DNAH5: variants seen among roughly 807,000 people sequenced by gnomAD.
DNAH5 encodes the protein dynein axonemal heavy chain 5, also known as axonemal beta dynein heavy chain 5.
DNAH5 carries 372 observed loss-of-function variants against 518.2 expected under a neutral mutation model. The ratio of observed to expected loss-of-function variants is 0.72; its 90% CI spans 0.66 to 0.78. DNAH5 has a LOEUF of 0.78. DNAH5 is among the 30% of genes least tolerant of loss of function. The pLI, the probability that DNAH5 is intolerant of heterozygous loss-of-function variation, is 0.00. For synonymous variants in DNAH5, 2,039 were observed against 2,025.9 expected (o/e 1.01, Z -0.17); for missense variants, 5,523 against 5,687.0 (o/e 0.97, Z 0.93).
intron 31 of DNAH5, among the ~76,000 whole-genome samples, chr5:13,845,608 T>C (rs1186538043): frequency 6.6e-6 from 1 of 152,172 alleles, no homozygotes; most frequent in Non-Finnish European, 1.5e-5. Context: ...TTCATTTCTA[T>C]ATTTGCTTTC....
chr5:13,854,406 T>G (rs1477830624), intron 30 of DNAH5, among the ~76,000 whole-genome samples: 1 of 152,114 alleles, frequency 6.6e-6, no homozygotes, highest in East Asian at 1.9e-4. Flanking sequence ...AACCAGCCAC[T>G]GCAAAAACAA....
At chr5:13,942,250 G>A (rs1284775059) in intron 1 of DNAH5, among the ~76,000 whole-genome samples, 1 of 150,438 alleles carries the variant, frequency 6.6e-6, no homozygotes, top group African/African-American at 2.5e-5. Context: ...TATGGATAAA[G>A]TCAATTATTA....
At chr5:13,893,252 G>GGA (rs1196168514) in intron 16 of DNAH5, among the ~76,000 whole-genome samples, 1 of 151,830 alleles carries the variant, frequency 6.6e-6, no homozygotes, top group African/African-American at 2.4e-5. Context: ...CGGAGTTGGG[G>GGA]GAGAGAGAGA....
chr5:13,740,289 AC>A (rs1052234790), intron 65 of DNAH5, among the ~76,000 whole-genome samples: 1 of 151,524 alleles, frequency 6.6e-6, no homozygotes, highest in Admixed American at 6.6e-5. Context: ...CCCCAGCCTT[AC>A]CCCCTGGTCT....
chr5:13,826,885 A>G (rs1762957326), intron 38 of DNAH5, among the ~76,000 whole-genome samples: 1 of 152,170 alleles, frequency 6.6e-6, no homozygotes, highest in South Asian at 2.1e-4. Context: ...CTTCCTAGAG[A>G]CTTAGAGGGC....
At chr5:13,772,568 C>T (rs1753488791) in intron 55 of DNAH5, among the ~76,000 whole-genome samples, 1 of 152,192 alleles carries the variant, frequency 6.6e-6, no homozygotes, top group Non-Finnish European at 1.5e-5. Context: ...GGCAGTAATG[C>T]CAGTTTTGGG....
At chr5:14,006,586 T>C (rs1330511847) in intron 1 of DNAH5, among the ~76,000 whole-genome samples, 2 of 152,188 alleles carry the variant, frequency 1.3e-5, no homozygotes, top group Non-Finnish European at 2.9e-5. Flanking sequence ...CCCACACATA[T>C]GACCTAATTT....
intron 30 of DNAH5, among the ~76,000 whole-genome samples, chr5:13,853,429 A>G (rs1450136464): frequency 6.6e-6 from 1 of 152,224 alleles, no homozygotes; most frequent in Non-Finnish European, 1.5e-5. Context: ...CAGCACAAAA[A>G]GACTGAAAAT....
chr5:13,935,485 G>A (rs777096275), intron 1 of DNAH5, among the ~76,000 whole-genome samples: 6 of 152,054 alleles, frequency 3.9e-5, no homozygotes, highest in Non-Finnish European at 7.4e-5. Flanking sequence ...TTAAAAGCAC[G>A]TTAAGACTTG....
At position 13,928,166 on chromosome 5, in the gene DNAH5, C is replaced by A. The variant is rs1778074228; in HGVS notation, c.205G>T (p.Asp69Tyr). The change falls in exon 3 of 79, where the codon GAT becomes TAT. Residue 69 changes from aspartate to tyrosine, a missense_variant. Physicochemically the swap from Asp to Tyr is radical, Grantham distance 160 (BLOSUM62 -3). This residue lies in a region of DNAH5 where 5,121 missense variants were observed against 5,223.3 expected (regional missense o/e 0.98). Transcript: ENST00000265104. ...ILEGNQIERI[D>Y]QLFAVGGLRH... ...AGACCTCCAACAGCAAAAAGTTGAT[C>A]AATTCTTTCAATCTGGGAAAAAGAA... 2 of 1,612,936 alleles carry A rather than the reference C, an allele frequency of 1.2e-6. No individual in the cohort carries two copies. The highest frequency in any genetic ancestry group is 1.7e-5 in the Admixed American group (1 of 59,986).
At chr5:13,926,875 C>T (rs534794770) in intron 3 of DNAH5, among the ~76,000 whole-genome samples, 17 of 152,248 alleles carry the variant, frequency 1.1e-4, no homozygotes, top group African/African-American at 4.1e-4. Flanking sequence ...GAAACCAAAC[C>T]TTCTATCTCT....
In DNAH5 at chr5:13,887,184, G is replaced by A. The variant is rs543210997; in HGVS notation, c.2578-1055C>T. Reference sequence around the variant, plus strand: ...ACAGGGAATCCTCAATTAACTTGCAGCTCTTTCAGTCCTCTCAGTAACACA... The same window carrying A: ...ACAGGGAATCCTCAATTAACTTGCAACTCTTTCAGTCCTCTCAGTAACACA... On this transcript the variant is annotated intron_variant, in intron 17 of 78. Coordinates refer to ENST00000265104, the MANE Select transcript of DNAH5 (RefSeq NM_001369.3). 2.0e-5 allele frequency among the ~76,000 whole-genome samples: 3 copies of A among 152,282 alleles called. No individual in the cohort carries two copies. In the East Asian group the frequency reaches 5.8e-4, roughly 29 times the overall value.
Position 13,716,631 on chromosome 5 carries a change from G to A in DNAH5, c.12765C>T (p.Val4255=), listed in dbSNP as rs561983296. The A allele has an allele frequency of 4.3e-6, 7 of 1,613,966 alleles. No individual in the cohort carries two copies. In the South Asian group the frequency reaches 7.7e-5, roughly 18 times the overall value. Residue 4255 remains valine (V), a synonymous_variant, in exon 74 of 79, where the codon GTC becomes GTT. Transcript: ENST00000265104. ...MIGEIQYGGR[V]TDDYDKRLLN... is the part of the protein sequence containing the mutation. ...ACAATCTCTTATCATAGTCGTCAGT[G>A]ACTCTGCCTCCATATTGAATCTCTC...
At chr5:13,884,634 C>T (rs1446004859) in intron 19 of DNAH5, among the ~76,000 whole-genome samples, 5 of 152,192 alleles carry the variant, frequency 3.3e-5, no homozygotes, top group East Asian at 1.9e-4. Flanking sequence ...CTCAGGAGTT[C>T]GCCACCAGCG....
rs59556531 is a variant in DNAH5, at chr5:13,706,301, G to A, written c.13338+1822C>T. Among the ~76,000 whole-genome samples, 439 of 152,320 alleles carry A rather than the reference G, an allele frequency of 2.9e-3. 4 individuals are homozygous for A. Among genetic ancestry groups the A allele is most frequent in the African/African-American group, 0.01 (425 of 41,570 alleles). On this transcript the variant is annotated intron_variant, in intron 76 of 78. Transcript: ENST00000265104. ...CTCCTTCCAACCTTTAGGTGTAGCA[G>A]GGCAAGTGAATGAGGAAGTGGAGCA...
In DNAH5 at chr5:13,870,418, A is replaced by G. The variant is rs112369872; in HGVS notation, c.3834+349T>C. The stretch of plus-strand genomic sequence containing the variant: ...TTTGCATGAAGGAGGGCCCAACTCA[A>G]TTGATGTTGTAGAGTGCCCATGGGA... On this transcript the variant is annotated intron_variant, in intron 24 of 78. Transcript: ENST00000265104. 8.9e-3 allele frequency among the ~76,000 whole-genome samples: 1,360 copies of G among 152,276 alleles called. 19 individuals are homozygous for G. Among genetic ancestry groups the G allele is most frequent in the African/African-American group, 0.03 (1,250 of 41,558 alleles).
Position 13,732,765 on chromosome 5 carries a change from G to A in DNAH5, c.11761+2366C>T, listed in dbSNP as rs185094010. ...CCCTCCATCTCATGCCATAACCTTG[G>A]GGTTTAGGTTTTCATCATACGAATT... is the stretch of plus-strand genomic sequence containing the variant. On this transcript the variant is annotated intron_variant, in intron 68 of 78. Coordinates refer to ENST00000265104, the MANE Select transcript of DNAH5 (RefSeq NM_001369.3). Among the ~76,000 whole-genome samples, 238 of 152,050 alleles carry A rather than the reference G, an allele frequency of 1.6e-3. 5 individuals are homozygous for A. Among genetic ancestry groups the A allele is most frequent in the Non-Finnish European group, 2.6e-3 (174 of 67,978 alleles).
intron 22 of DNAH5, among the ~76,000 whole-genome samples, chr5:13,875,888 G>A (rs1375023540): frequency 6.6e-6 from 1 of 152,114 alleles, no homozygotes; most frequent in Non-Finnish European, 1.5e-5. Flanking sequence ...CATTGTTACA[G>A]CAATGGTAGC....
Position 13,891,012 on chromosome 5 carries a change from C to G in DNAH5, c.2541G>C (p.Glu847Asp), listed in dbSNP as rs1488661269. The stretch of plus-strand genomic sequence containing the variant: ...GGAGAAACTCTTCACAGGTTAGTGG[C>G]TCCTCCTGGGGAAGCTGACAAAGAG... ...STPLCQLPQE[E>D]PLTCEEFLQM... The change falls in exon 17 of 79, where the codon GAG becomes GAC. Residue 847 changes from glutamate (E) to aspartate (D), a missense_variant. Glu to Asp is a conservative substitution (Grantham distance 45, BLOSUM62 2). Coordinates refer to ENST00000265104, the MANE Select transcript of DNAH5 (RefSeq NM_001369.3). The G allele has an allele frequency of 6.2e-7, 1 of 1,614,156 alleles. No individual in the cohort carries two copies. The highest frequency in any genetic ancestry group is 1.7e-5 in the Admixed American group (1 of 60,022).
Sources: gnomAD v4.1 joint callset for allele counts (sites outside exome capture counted in the v4.1 genomes callset) on GRCh38, gnomAD v4.1.1 for gene constraint, gnomAD v4.1.1 regional missense constraint, MANE v1.5 for transcripts, NCBI Gene and HGNC (gene_info 2026-07-23, HGNC 2026-07-21) for gene names.